The following CACNA1C variants were observed in gnomAD, a reference collection of about 807,000 sequenced individuals.
CACNA1C encodes voltage-dependent L-type calcium channel subunit alpha-1C.
A neutral mutation model predicts 229.0 loss-of-function variants in CACNA1C; 30 were observed. The observed-to-expected ratio is 0.13, with a 90% confidence interval of 0.10 to 0.18. The LOEUF (loss-of-function observed/expected upper bound fraction) is 0.18, where lower values mean the gene tolerates loss of function less well. Among genes scored for constraint, CACNA1C ranks in the 10% least tolerant of loss-of-function variants. CACNA1C has a pLI of 1.00. For missense variants in CACNA1C, 1,658 were observed against 2,845.0 expected (o/e 0.58, Z 9.49); for synonymous variants, 1,114 against 1,132.5 (o/e 0.98, Z 0.33).
intron 3 of CACNA1C, among the ~76,000 whole-genome samples, chr12:2,260,824 G>A (rs2079859599): frequency 6.6e-6 from 1 of 152,136 alleles, no homozygotes; most frequent in Non-Finnish European, 1.5e-5. Context: ...AGCCTTTTTG[G>A]TCTCAGGACT....
At position 2,593,230 on chromosome 12, in the gene CACNA1C, G is replaced by A; in HGVS notation, c.2548G>A (p.Glu850Lys). The change falls in exon 19 of 47, where the codon GAG becomes AAG. Residue 850 changes from glutamate (E) to lysine (K), a missense_variant. By Grantham distance (56) the Glu-to-Lys change is moderately conservative. Coordinates refer to ENST00000399655, the MANE Select transcript of CACNA1C (RefSeq NM_000719.7). ...TCTTACAGGAGAAGAGGATGAGGAG[G>A]AGCCAGAGATGCCTGTCGGCCCTCG... ...PETTGEEDEE[E>K]PEMPVGPRPR... The A allele has an allele frequency of 1.2e-6, 2 of 1,613,664 alleles. No homozygotes were observed. Among genetic ancestry groups the A allele is most frequent in the Non-Finnish European group, 1.7e-6 (2 of 1,179,754 alleles).
At position 2,368,587 on chromosome 12, in the gene CACNA1C, C is replaced by A. The variant is rs564007365; in HGVS notation, c.478-80389C>A. Among the ~76,000 whole-genome samples, 17 of 152,112 alleles carry A rather than the reference C, an allele frequency of 1.1e-4. No individual in the cohort carries two copies. In the East Asian group the frequency reaches 2.9e-3, roughly 26 times the overall value. On this transcript the variant is annotated intron_variant, in intron 3 of 46. Coordinates refer to ENST00000399655, the MANE Select transcript of CACNA1C (RefSeq NM_000719.7). ...ATTCTAAACACATGGGACTGTATGACAAAATTAAATTTAACTAAAAGATAT... is the reference window on the plus strand; with the variant it reads ...ATTCTAAACACATGGGACTGTATGAAAAAATTAAATTTAACTAAAAGATAT...
chr12:2,598,139 C>T (rs1279586785), intron 21 of CACNA1C, among the ~76,000 whole-genome samples: 1 of 152,190 alleles, frequency 6.6e-6, no homozygotes, highest in Non-Finnish European at 1.5e-5. Context: ...AAAGCTTTGT[C>T]ACAGTGCCCC....
intron 38 of CACNA1C, among the ~76,000 whole-genome samples, chr12:2,674,034 G>C (rs1019709926): frequency 6.6e-6 from 1 of 152,070 alleles, no homozygotes; most frequent in Non-Finnish European, 1.5e-5. Context: ...CATCTAAGTA[G>C]GGGAACTCGG....
At chr12:2,627,336 T>C (rs945839640) in intron 29 of CACNA1C, among the ~76,000 whole-genome samples, 1 of 152,106 alleles carries the variant, frequency 6.6e-6, no homozygotes, top group Non-Finnish European at 1.5e-5. Context: ...GTAATACAAT[T>C]TATATTATCT....
chr12:2,628,772 T>C (rs1311481590), intron 29 of CACNA1C, among the ~76,000 whole-genome samples: 1 of 151,790 alleles, frequency 6.6e-6, no homozygotes, highest in African/African-American at 2.4e-5. Flanking sequence ...TAGAGGGGCG[T>C]AGTACTTGGG....
intron 5 of CACNA1C, among the ~76,000 whole-genome samples, chr12:2,469,625 A>G (rs1331203639): frequency 6.6e-6 from 1 of 152,220 alleles, no homozygotes; most frequent in Admixed American, 6.5e-5. Context: ...GTTGGAGGAT[A>G]ATGGAAAAGC....
At chr12:2,290,232 C>T (rs1404117806) in intron 3 of CACNA1C, among the ~76,000 whole-genome samples, 2 of 152,262 alleles carry the variant, frequency 1.3e-5, no homozygotes, top group East Asian at 1.9e-4. Context: ...TCCTGGCCAG[C>T]GCCTGCCTTG....
rs1298277601 is a variant in CACNA1C at position 2,488,202 on chromosome 12, G to A, written c.916+1940G>A. On this transcript the variant is annotated intron_variant, in intron 6 of 46. Coordinates refer to ENST00000399655, the MANE Select transcript of CACNA1C (RefSeq NM_000719.7). This position sits in a 1 kb window ranked among gnomAD's most constrained non-coding sequence, Gnocchi z 4.0. ...TGCAGGCAATTTCCATCATCCTAAC[G>A]AGAAAGCAGTCCAAGAGTGTTTTCT... Among the ~76,000 whole-genome samples, 10 of 152,218 alleles carry A rather than the reference G, an allele frequency of 6.6e-5. No homozygotes were observed. Among genetic ancestry groups the A allele is most frequent in the Admixed American group, 2.6e-4 (4 of 15,286 alleles).
chr12:2,203,793 G>T (rs1295943745), intron 3 of CACNA1C, among the ~76,000 whole-genome samples: 2 of 152,114 alleles, frequency 1.3e-5, no homozygotes, highest in African/African-American at 4.8e-5. Context: ...CATGCATTTG[G>T]GATATGTTTT....
At chr12:2,471,805 C>T (rs10848661) in intron 5 of CACNA1C, among the ~76,000 whole-genome samples, 105,927 of 152,056 alleles carry the variant, frequency 0.7, 37,053 homozygotes, top group East Asian at 0.87. Flanking sequence ...CCTCAGCTCC[C>T]GAGTAGCTGG....
intron 3 of CACNA1C, among the ~76,000 whole-genome samples, chr12:2,393,601 A>T (rs2154549240): frequency 6.6e-6 from 1 of 152,368 alleles, no homozygotes; most frequent in African/African-American, 2.4e-5. Flanking sequence ...AAAGAGGATA[A>T]AAATACTTAC....
chr12:2,522,267 G>A (rs551258352), intron 9 of CACNA1C, among the ~76,000 whole-genome samples: 17 of 152,308 alleles, frequency 1.1e-4, no homozygotes, highest in African/African-American at 2.4e-4. Flanking sequence ...AGGCAGCAGC[G>A]TGCATTGGTA....
intron 3 of CACNA1C, among the ~76,000 whole-genome samples, chr12:2,340,891 A>G (rs2096841615): frequency 1.3e-5 from 2 of 151,800 alleles, no homozygotes; most frequent in Non-Finnish European, 2.9e-5. Context: ...TGGGAGGCAG[A>G]GCTTGCAGTG....
intron 3 of CACNA1C, among the ~76,000 whole-genome samples, chr12:2,384,170 T>G (rs2098324063): frequency 6.6e-6 from 1 of 152,182 alleles, no homozygotes; most frequent in African/African-American, 2.4e-5. Context: ...TGCACTCAAG[T>G]TTTCTCGCAG....
intron 3 of CACNA1C, among the ~76,000 whole-genome samples, chr12:2,308,929 T>C (rs763700821): frequency 1.2e-4 from 19 of 152,102 alleles, no homozygotes; most frequent in Non-Finnish European, 2.5e-4. Flanking sequence ...GAAAACAACA[T>C]GGAGGCTCCT....
intron 1 of CACNA1C, among the ~76,000 whole-genome samples, chr12:2,084,533 G>A (rs139688388): frequency 1.3e-5 from 2 of 152,178 alleles, no homozygotes; most frequent in East Asian, 3.9e-4. Context: ...GTTCTCCCGT[G>A]GCTTCATTCC....
intron 9 of CACNA1C, among the ~76,000 whole-genome samples, chr12:2,532,348 C>A (rs1306679119): frequency 1.3e-5 from 2 of 152,116 alleles, no homozygotes; most frequent in Non-Finnish European, 2.9e-5. Context: ...TCTCTCCCTC[C>A]CACCCCTCGA....
intron 5 of CACNA1C, among the ~76,000 whole-genome samples, chr12:2,480,612 T>G (rs2099671990): frequency 6.6e-6 from 1 of 152,198 alleles, no homozygotes; most frequent in Admixed American, 6.5e-5. Flanking sequence ...GGTATTGGGT[T>G]AGGTGATCCC....
Sources: allele counts gnomAD v4.1 joint callset (sites outside exome capture counted in the v4.1 genomes callset), GRCh38; gene constraint gnomAD v4.1.1; non-coding constraint Gnocchi (gnomAD v3.1); transcripts MANE v1.5; gene names NCBI Gene and HGNC (gene_info 2026-07-23, HGNC 2026-07-21).